STAU2: variants seen among roughly 807,000 people sequenced by gnomAD.
STAU2 encodes staufen double-stranded RNA binding protein 2.
A neutral mutation model predicts 65.9 loss-of-function variants in STAU2; 20 were observed. That is an observed-to-expected ratio of 0.30 (90% confidence interval 0.21 to 0.44). The LOEUF is 0.44. Among genes scored for constraint, STAU2 ranks in the 20% least tolerant of loss-of-function variants. STAU2 has a pLI of 1.00. For missense variants in STAU2, 558 were observed against 683.9 expected, an observed-to-expected ratio of 0.82 and a Z score of 2.05; for synonymous variants, 232 against 233.9, an observed-to-expected ratio of 0.99 and a Z score of 0.07.
chr8:73,655,781 T>C (rs1037006776), intron 6 of STAU2, among the ~76,000 whole-genome samples: 2 of 151,474 alleles, frequency 1.3e-5, no homozygotes, highest in African/African-American at 4.9e-5. Context: ...CCCGAGTAGC[T>C]GGGACTACAG....
intron 13 of STAU2, among the ~76,000 whole-genome samples, chr8:73,535,411 C>T (rs921715344): frequency 3.3e-5 from 5 of 152,094 alleles, no homozygotes; most frequent in African/African-American, 7.2e-5. Context: ...CCTCGTGATC[C>T]GCCCACCTCG....
At chr8:73,658,385 A>G (rs570544730) in intron 6 of STAU2, among the ~76,000 whole-genome samples, 1 of 152,164 alleles carries the variant, frequency 6.6e-6, no homozygotes, top group South Asian at 2.1e-4. Context: ...AAAAAAAATT[A>G]TCTTGGGAAG....
intron 8 of STAU2, 48 bp from the exon 9 acceptor site, chr8:73,614,004 G>A (rs780555916): frequency 1.5e-5 from 21 of 1,421,824 alleles, no homozygotes; most frequent in Non-Finnish European, 2.0e-5. Flanking sequence ...CACTTGAGAT[G>A]TATTCTTAAA....
intron 13 of STAU2, among the ~76,000 whole-genome samples, chr8:73,489,401 A>G (rs568431581): frequency 1.3e-5 from 2 of 152,126 alleles, no homozygotes; most frequent in East Asian, 1.9e-4. Context: ...ATAAATAGTT[A>G]AGTACAACTG....
chr8:73,550,882 C>G (rs369130672), intron 13 of STAU2: 2 of 986,698 alleles, frequency 2.0e-6, no homozygotes, highest in Non-Finnish European at 1.2e-6. Context: ...ATGCAAAATA[C>G]CCCCCAAAAC....
At chr8:73,428,144 C>T (rs1816968287) in intron 13 of STAU2, among the ~76,000 whole-genome samples, 1 of 152,172 alleles carries the variant, frequency 6.6e-6, no homozygotes, top group African/African-American at 2.4e-5. Flanking sequence ...CTACCCCCAG[C>T]CTCTGTACCC....
intron 13 of STAU2, among the ~76,000 whole-genome samples, chr8:73,433,503 CTTTT>C (rs34174316): frequency 3.2e-5 from 4 of 126,654 alleles, no homozygotes; most frequent in Non-Finnish European, 4.9e-5. Context: ...CACGCCCCGC[CTTTT>C]TTTTTTTTTT....
chr8:73,739,502 G>A (rs1045502015), intron 2 of STAU2, among the ~76,000 whole-genome samples: 7 of 152,074 alleles, frequency 4.6e-5, no homozygotes, highest in African/African-American at 1.2e-4. Flanking sequence ...CAAACGTTTT[G>A]TAAGTACACA....
intron 2 of STAU2, among the ~76,000 whole-genome samples, 182 bp from the exon 3 acceptor site, chr8:73,738,531 C>G (rs1806605872): frequency 6.6e-6 from 1 of 152,140 alleles, no homozygotes; most frequent in Non-Finnish European, 1.5e-5. Context: ...AGTCATTAGC[C>G]ACATGTGGCT....
chr8:73,494,536 T>C (rs1204575080), intron 13 of STAU2, among the ~76,000 whole-genome samples: 1 of 151,684 alleles, frequency 6.6e-6, no homozygotes, highest in African/African-American at 2.4e-5. Context: ...CTCAATGAAG[T>C]TTAACTTCTC....
At chr8:73,433,604 G>A (rs1446313939) in intron 13 of STAU2, among the ~76,000 whole-genome samples, 10 of 150,998 alleles carry the variant, frequency 6.6e-5, no homozygotes, top group Admixed American at 2.0e-4. Flanking sequence ...GGGTTCAAGC[G>A]ATTCTTGTGC....
chr8:73,610,535 T>A (rs1405351985), intron 9 of STAU2, among the ~76,000 whole-genome samples: 9 of 62,638 alleles, frequency 1.4e-4, no homozygotes, highest in Non-Finnish European at 2.9e-4. Context: ...TTAGACCCCG[T>A]CTCAAAAAAA....
Position 73,638,519 on chromosome 8 carries a change from A to T in STAU2, c.411-21068T>A, listed in dbSNP as rs555519589. On this transcript the variant is annotated intron_variant, in intron 6 of 14. Coordinates refer to ENST00000524300, the MANE Select transcript of STAU2 (RefSeq NM_001164380.2). The stretch of plus-strand genomic sequence containing the variant: ...AATATTCTTTTTTTTTTTTTTTTTT[A>T]AAAAGAGTCCATCAGAGTAACTTCA... Among the ~76,000 whole-genome samples the T allele has an allele frequency of 2.3e-3, 327 of 141,160 alleles. 1 individual carries two copies. Among genetic ancestry groups the T allele is most frequent in the Non-Finnish European group, 3.6e-3 (238 of 65,210 alleles). The allele number at this position is 141,160 out of a possible 152,430, so 92.6% of individuals were successfully genotyped here. A position where few individuals can be genotyped will look rare whatever the true frequency, so the allele number is the denominator to read the frequency against.
intron 13 of STAU2, among the ~76,000 whole-genome samples, chr8:73,453,341 T>C (rs1221552329): frequency 6.6e-6 from 1 of 152,264 alleles, no homozygotes; most frequent in Non-Finnish European, 1.5e-5. Flanking sequence ...TCATGCTGTA[T>C]ATTCATGAAC....
chr8:73,597,231 A>G (rs1036545532), intron 10 of STAU2, among the ~76,000 whole-genome samples: 28 of 151,964 alleles, frequency 1.8e-4, no homozygotes, highest in African/African-American at 6.5e-4. Flanking sequence ...ACTGATCAAG[A>G]AAAAAAATAC....
At chr8:73,642,367 A>T (rs1161799136) in intron 6 of STAU2, among the ~76,000 whole-genome samples, 1 of 152,104 alleles carries the variant, frequency 6.6e-6, no homozygotes, top group African/African-American at 2.4e-5. Flanking sequence ...TACTAAAAAT[A>T]CAAAAATTAG....
At chr8:73,533,583 C>T (rs760350566) in intron 13 of STAU2, among the ~76,000 whole-genome samples, 3 of 152,104 alleles carry the variant, frequency 2.0e-5, no homozygotes, top group Admixed American at 6.5e-5. Context: ...TTCATAGAAT[C>T]ACTTGAAATA....
intron 13 of STAU2, among the ~76,000 whole-genome samples, chr8:73,432,513 G>A (rs1489138105): frequency 6.6e-6 from 1 of 152,058 alleles, no homozygotes; most frequent in Non-Finnish European, 1.5e-5. Flanking sequence ...TCTTTGAAAG[G>A]TCTGTAATTA....
chr8:73,721,318 C>CAAAAAAAAAA (rs1821670130), intron 3 of STAU2, among the ~76,000 whole-genome samples: 2 of 125,042 alleles, frequency 1.6e-5, no homozygotes, highest in African/African-American at 3.1e-5. Context: ...AAAAAAAAGT[C>CAAAAAAAAAA]CTTTATGGCC....
Sources: allele counts gnomAD v4.1 joint callset (sites outside exome capture counted in the v4.1 genomes callset), GRCh38; gene constraint gnomAD v4.1.1; transcripts MANE v1.5; gene names NCBI Gene and HGNC (gene_info 2026-07-23, HGNC 2026-07-21).